Variants in PTDSS1 observed in about 807,000 individuals in gnomAD.
PTDSS1 encodes the protein PSS-1.
Under a neutral mutation model 70.5 loss-of-function variants are expected in PTDSS1, and 45 were observed. The observed-to-expected ratio is 0.64, with a 90% CI of 0.50 to 0.82. The LOEUF is 0.82. Among genes scored for constraint, PTDSS1 ranks in the 40% least tolerant of loss-of-function variants. PTDSS1 has a pLI of 0.00. For synonymous variants in PTDSS1, 188 were observed against 203.8 expected, an observed-to-expected ratio of 0.92 and a Z score of 0.66; for missense variants, 417 against 586.1, an observed-to-expected ratio of 0.71 and a Z score of 2.98.
chr8:96,332,934 C>T (rs1169769049), intron 12 of PTDSS1, among the ~76,000 whole-genome samples: 1 of 152,158 alleles, frequency 6.6e-6, no homozygotes, highest in Non-Finnish European at 1.5e-5. Context: ...TGCCCTCCAT[C>T]GTGGGCAGCA....
chr8:96,291,175 G>T (rs1187750815), intron 4 of PTDSS1, among the ~76,000 whole-genome samples: 1 of 152,002 alleles, frequency 6.6e-6, no homozygotes, highest in Non-Finnish European at 1.5e-5. Context: ...GGGTGGGCAT[G>T]TTCCCTGTCC....
intron 2 of PTDSS1, among the ~76,000 whole-genome samples, 188 bp downstream of exon 2, chr8:96,273,578 C>G (rs1810597537): frequency 6.6e-6 from 1 of 152,184 alleles, no homozygotes; most frequent in Non-Finnish European, 1.5e-5. Flanking sequence ...CCTAAGAGTG[C>G]TGAGAATACT....
chr8:96,312,068 A>C (rs555109927), intron 9 of PTDSS1, among the ~76,000 whole-genome samples: 29 of 152,312 alleles, frequency 1.9e-4, no homozygotes, highest in Non-Finnish European at 3.4e-4. Flanking sequence ...TGTTGAGGGA[A>C]ATAAGTGGGT....
chr8:96,335,685 T>A lies in PTDSS1; in HGVS notation c.*2119T>A, dbSNP rs1392270783. On this transcript the variant is annotated 3_prime_UTR_variant, in exon 13 of 13. Coordinates refer to ENST00000517309, the MANE Select transcript of PTDSS1 (RefSeq NM_014754.3). ...TTTCTTTGAGTTGAAACTTTCTATT[T>A]CCCTTCAGTCAGAGCTCTTTACTAT... 6.6e-6 allele frequency: 1 copy of A among 152,222 alleles called. No individual in the cohort carries two copies. Among genetic ancestry groups the A allele is most frequent in the Non-Finnish European group, 1.5e-5 (1 of 68,040 alleles). The allele number at this position is 152,222 out of a possible 1,614,324, so 9.4% of individuals were successfully genotyped here.
intron 10 of PTDSS1, among the ~76,000 whole-genome samples, chr8:96,327,023 A>G (rs11782606): frequency 0.92 from 140,714 of 152,254 alleles, 65,229 homozygotes; most frequent in African/African-American, 0.95. Context: ...GACAGATTGG[A>G]GGATATAGGA....
intron 1 of PTDSS1, among the ~76,000 whole-genome samples, chr8:96,267,040 T>A (rs926606084): frequency 2.0e-5 from 3 of 152,212 alleles, no homozygotes; most frequent in African/African-American, 7.2e-5. Context: ...TCCTCTTTAG[T>A]AAGCAACCTT....
At chr8:96,324,570 A>G (rs979432754) in intron 10 of PTDSS1, among the ~76,000 whole-genome samples, 1 of 152,230 alleles carries the variant, frequency 6.6e-6, no homozygotes, top group Admixed American at 6.5e-5. Flanking sequence ...GAAGGGCAGA[A>G]GGCAGAAACA....
At chr8:96,268,714 T>C (rs1179474382) in intron 1 of PTDSS1, among the ~76,000 whole-genome samples, 2 of 152,078 alleles carry the variant, frequency 1.3e-5, no homozygotes, top group East Asian at 3.9e-4. Flanking sequence ...GGTAGTTCCC[T>C]ATCCTAGCTG....
intron 9 of PTDSS1, among the ~76,000 whole-genome samples, chr8:96,316,656 C>A (rs1222811392): frequency 6.6e-6 from 1 of 151,976 alleles, no homozygotes; most frequent in Non-Finnish European, 1.5e-5. Context: ...TACACATGTA[C>A]CCCCTGTATG....
chr8:96,307,999 G>A (rs1278694609), intron 8 of PTDSS1, among the ~76,000 whole-genome samples: 1 of 152,138 alleles, frequency 6.6e-6, no homozygotes, highest in African/African-American at 2.4e-5. Flanking sequence ...ACTGTTTGAG[G>A]CAGTTCCCAT....
At position 96,295,225 on chromosome 8, in the gene PTDSS1, G is replaced by A. The variant is rs1810958352; in HGVS notation, c.569G>A (p.Trp190Ter). 1.2e-6 allele frequency: 2 copies of A among 1,614,082 alleles called. No individual in the cohort carries two copies. The highest frequency in any genetic ancestry group is 1.7e-6 in the Non-Finnish European group (2 of 1,179,970). ...ALLIRSYGLCWTISITWELTE... is the reference protein window; with the variant it reads ...ALLIRSYGLC ...CTGATCCGTAGTTACGGTCTCTGCT[G>A]GACAATCAGTATTACCTGGGAGCTG... Residue 190 changes from tryptophan (W) to a stop codon, truncating the protein, a stop_gained, in exon 5 of 13, where the codon TGG (tryptophan) becomes TAG (stop). Transcript: ENST00000517309. LOFTEE classifies it high-confidence loss of function.
At chr8:96,301,750 A>T (rs1266037165) in intron 6 of PTDSS1, among the ~76,000 whole-genome samples, 2 of 151,664 alleles carry the variant, frequency 1.3e-5, no homozygotes, top group Non-Finnish European at 2.9e-5. Flanking sequence ...TTCTGACCTC[A>T]GGTGATCCGC....
At chr8:96,305,714 C>T (rs569351611) in intron 7 of PTDSS1, among the ~76,000 whole-genome samples, 2 of 152,186 alleles carry the variant, frequency 1.3e-5, no homozygotes, top group Non-Finnish European at 2.9e-5. Flanking sequence ...GAGTTTTACT[C>T]TTGTCACCCA....
intron 9 of PTDSS1, among the ~76,000 whole-genome samples, chr8:96,315,865 G>A (rs371868429): frequency 2.3e-4 from 35 of 152,286 alleles, no homozygotes; most frequent in African/African-American, 8.4e-4. Flanking sequence ...ATTGAACTGA[G>A]TAAAGGGACC....
chr8:96,306,943 T>A (rs1267583069), intron 8 of PTDSS1, among the ~76,000 whole-genome samples: 1 of 152,182 alleles, frequency 6.6e-6, no homozygotes, highest in East Asian at 1.9e-4. Context: ...AAGTCATAAA[T>A]GACATTATTT....
intron 8 of PTDSS1, chr8:96,309,198 T>G (rs959696279): frequency 2.9e-5 from 2 of 68,202 alleles, no homozygotes; most frequent in African/African-American, 9.1e-5. Flanking sequence ...TAGTGGTTTT[T>G]TTTTTTTTTT....
intron 4 of PTDSS1, among the ~76,000 whole-genome samples, chr8:96,291,157 G>T (rs762452399): frequency 6.6e-6 from 1 of 152,034 alleles, no homozygotes; most frequent in Non-Finnish European, 1.5e-5. Flanking sequence ...TGGTGGGAGT[G>T]GGGGAGAGGG....
At chr8:96,267,675 A>G (rs912123922) in intron 1 of PTDSS1, among the ~76,000 whole-genome samples, 1 of 152,254 alleles carries the variant, frequency 6.6e-6, no homozygotes, top group African/African-American at 2.4e-5. Context: ...GCTGGTTGAC[A>G]TCGGTATTTC....
chr8:96,333,055 G>A (rs1322647195), intron 12 of PTDSS1, among the ~76,000 whole-genome samples: 2 of 152,228 alleles, frequency 1.3e-5, no homozygotes, highest in African/African-American at 4.8e-5. Context: ...AGGTGGTGTG[G>A]AGCAGGTGAA....
Sources: allele counts gnomAD v4.1 joint callset (sites outside exome capture counted in the v4.1 genomes callset), GRCh38; gene constraint gnomAD v4.1.1; transcripts MANE v1.5; gene names NCBI Gene and HGNC (gene_info 2026-07-23, HGNC 2026-07-21).